UGP2: variants seen among roughly 807,000 people sequenced by gnomAD.
UGP2 encodes the protein UTP--glucose-1-phosphate uridylyltransferase.
A neutral mutation model predicts 49.0 loss-of-function variants in UGP2; 40 were observed. The ratio of observed to expected loss-of-function variants is 0.82; its 90% confidence interval spans 0.63 to 1.06. The LOEUF (loss-of-function observed/expected upper bound fraction) is 1.06. Among genes scored for constraint, UGP2 ranks in the 50% least tolerant of loss-of-function variants. The pLI, the probability that UGP2 is intolerant of heterozygous loss-of-function variation, is 0.00. For missense variants in UGP2, 460 were observed against 603.5 expected, an observed-to-expected ratio of 0.76 and a Z score of 2.49; for synonymous variants, 225 against 213.0, an observed-to-expected ratio of 1.06 and a Z score of -0.49.
chr2:63,887,748 C>T, intron 8 of UGP2, 104 bp downstream of exon 8: 3 of 1,419,886 alleles, frequency 2.1e-6, no homozygotes, highest in South Asian at 1.4e-5. Context: ...CTACCACTGA[C>T]CTGTTGTATT....
At chr2:63,879,326 A>C (rs1195296239) in intron 3 of UGP2, among the ~76,000 whole-genome samples, 2 of 152,190 alleles carry the variant, frequency 1.3e-5, no homozygotes, top group Non-Finnish European at 2.9e-5. Flanking sequence ...AAACATTGTT[A>C]TATATAAAAT....
intron 9 of UGP2, 67 bp from the exon 10 acceptor site, chr2:63,891,053 A>G (rs1672113998): frequency 1.2e-5 from 16 of 1,311,898 alleles, no homozygotes; most frequent in Non-Finnish European, 1.6e-5. Flanking sequence ...CATAAACTTG[A>G]TCACTGTAAG....
intron 1 of UGP2, among the ~76,000 whole-genome samples, chr2:63,851,125 G>A (rs189890914): frequency 6.6e-6 from 1 of 152,244 alleles, no homozygotes; most frequent in East Asian, 1.9e-4. Flanking sequence ...TTTCTAGGAG[G>A]ATAATCTCAG....
upstream of UGP2, among the ~76,000 whole-genome samples, chr2:63,841,438 G>C (rs1448780138): frequency 1.3e-5 from 2 of 152,130 alleles, no homozygotes. Context: ...GCACGGGTCT[G>C]CCTCTAGCCG....
chr2:63,868,819 C>T (rs1354811346), intron 3 of UGP2, among the ~76,000 whole-genome samples: 2 of 151,884 alleles, frequency 1.3e-5, no homozygotes, highest in African/African-American at 4.8e-5. Context: ...ACTAAAAATA[C>T]AAAAATTAGC....
chr2:63,863,395 C>T (rs1032895988), intron 3 of UGP2, among the ~76,000 whole-genome samples: 7 of 151,932 alleles, frequency 4.6e-5, no homozygotes, highest in African/African-American at 1.7e-4. Flanking sequence ...GTCATCTCTT[C>T]TCTAGTTTTC....
At chr2:63,845,692 G>C (rs1671882194) in intron 1 of UGP2, among the ~76,000 whole-genome samples, 1 of 152,102 alleles carries the variant, frequency 6.6e-6, no homozygotes. Flanking sequence ...ACTGTATTAG[G>C]ATTTCTGGCA....
intron 1 of UGP2, among the ~76,000 whole-genome samples, chr2:63,852,233 T>C (rs1669090373): frequency 6.6e-6 from 1 of 152,182 alleles, no homozygotes; most frequent in Non-Finnish European, 1.5e-5. Flanking sequence ...AAATGGAGTA[T>C]AATCTACCAG....
chr2:63,857,048 C>G (rs139445892), intron 2 of UGP2, among the ~76,000 whole-genome samples: 1 of 151,862 alleles, frequency 6.6e-6, no homozygotes, highest in Non-Finnish European at 1.5e-5. Context: ...AGCTGTAATC[C>G]CAGCACTTTG....
At chr2:63,884,466 T>C (rs1240981173) in intron 5 of UGP2, among the ~76,000 whole-genome samples, 1 of 152,196 alleles carries the variant, frequency 6.6e-6, no homozygotes, top group African/African-American at 2.4e-5. Flanking sequence ...TTTATGGGCT[T>C]GGGGTAATTT....
chr2:63,887,596 G>A lies in UGP2; in HGVS notation c.1266G>A (p.Arg422=), dbSNP rs907356695. ...NAGSLTMSEK[R]EFPTVPLVKL... ...GATCTCTGACAATGAGTGAAAAGCG[G>A]GAATTTCCTACAGTGCCCTTGGTTA... Residue 422 remains arginine (R), a synonymous_variant, in exon 8 of 10, where the codon CGG becomes CGA. Transcript: ENST00000337130. The A allele has an allele frequency of 6.2e-7, 1 of 1,613,956 alleles. No individual in the cohort carries two copies. Among genetic ancestry groups the A allele is most frequent in the Admixed American group, 1.7e-5 (1 of 59,974 alleles).
At chr2:63,890,562 A>G (rs555605599) in intron 9 of UGP2, among the ~76,000 whole-genome samples, 13 of 152,320 alleles carry the variant, frequency 8.5e-5, no homozygotes, top group African/African-American at 2.9e-4. Context: ...CCAAAGATAC[A>G]ATAGCTTTTT....
chr2:63,849,457 C>T (rs1370738549), intron 1 of UGP2, among the ~76,000 whole-genome samples: 4 of 152,192 alleles, frequency 2.6e-5, no homozygotes, highest in Non-Finnish European at 5.9e-5. Flanking sequence ...GTTTTGGGTT[C>T]ATTTGTGCTA....
chr2:63,861,220 C>T (rs1669818727), intron 3 of UGP2, among the ~76,000 whole-genome samples: 1 of 151,358 alleles, frequency 6.6e-6, no homozygotes, highest in Admixed American at 6.6e-5. Context: ...GACAAGCCAG[C>T]ATATGTAGCT....
At chr2:63,841,604 C>G (rs987317647), upstream of UGP2, 1 of 152,346 alleles carries the variant, frequency 6.6e-6, no homozygotes, top group Non-Finnish European at 1.5e-5. Flanking sequence ...GTAGCGCCTC[C>G]TAGTCCCAGG....
At chr2:63,889,535 G>C (rs992226084) in intron 8 of UGP2, 4 of 152,662 alleles carry the variant, frequency 2.6e-5, no homozygotes, top group Admixed American at 2.0e-4. Context: ...GAAACAAGTG[G>C]AAGTTTTCTA....
intron 1 of UGP2, among the ~76,000 whole-genome samples, chr2:63,846,362 TAAA>T (rs1287523022): frequency 6.6e-6 from 1 of 152,164 alleles, no homozygotes; most frequent in Non-Finnish European, 1.5e-5. Flanking sequence ...TGAAACTTAA[TAAA>T]TAGTGAAGAG....
At chr2:63,889,228 C>CA (rs1172826847) in intron 8 of UGP2, 2 of 151,168 alleles carry the variant, frequency 1.3e-5, no homozygotes, top group Non-Finnish European at 2.9e-5. Flanking sequence ...ATCGAAAACT[C>CA]AAGAGTTTTG....
intron 3 of UGP2, among the ~76,000 whole-genome samples, chr2:63,881,339 C>T (rs894077652): frequency 7.0e-6 from 1 of 142,666 alleles, no homozygotes; most frequent in African/African-American, 2.7e-5. Context: ...CCCAGTCACA[C>T]CTACCCATTA....
Sources: allele counts gnomAD v4.1 joint callset (sites outside exome capture counted in the v4.1 genomes callset), GRCh38; gene constraint gnomAD v4.1.1; transcripts MANE v1.5; gene names NCBI Gene and HGNC (gene_info 2026-07-23, HGNC 2026-07-21).